CFAP61: variants seen among roughly 807,000 people sequenced by gnomAD.
The protein encoded by CFAP61 is cilia and flagella associated protein 61.
In CFAP61, 107 loss-of-function variants were observed where a neutral mutation model predicts 135.6. That is an observed-to-expected ratio of 0.79 (90% CI 0.67 to 0.93). The LOEUF is 0.93. CFAP61 is among the 40% of genes least tolerant of loss of function. CFAP61 has a pLI of 0.00. For synonymous variants in CFAP61, 575 were observed against 578.5 expected, an observed-to-expected ratio of 0.99 and a Z score of 0.09; for missense variants, 1,507 against 1,556.2, an observed-to-expected ratio of 0.97 and a Z score of 0.53.
At position 20,098,395 on chromosome 20, in the gene CFAP61, A is replaced by G. The variant is rs558792534; in HGVS notation, c.700-260A>G. ...GAGGCCGAGGTGGGTGGATCACTTG[A>G]GGTCAGGAGTTCAAGACCAGCCTGG... is the stretch of plus-strand genomic sequence containing the variant. On this transcript the variant is annotated intron_variant, in intron 7 of 26. Transcript: ENST00000245957. Among the ~76,000 whole-genome samples the G allele has an allele frequency of 2.0e-5, 3 of 152,112 alleles. No individual in the cohort carries two copies. The East Asian group carries it at 5.8e-4, about 29-fold the overall frequency.
intron 13 of CFAP61, among the ~76,000 whole-genome samples, chr20:20,178,836 G>A (rs569875087): frequency 6.6e-6 from 1 of 152,094 alleles, no homozygotes; most frequent in South Asian, 2.1e-4. Context: ...AACAGAACCC[G>A]ATAGAAACTT....
Position 20,351,373 on chromosome 20 carries a change from G to A in CFAP61, c.3514-8837G>A, listed in dbSNP as rs144109059. On this transcript the variant is annotated intron_variant, in intron 26 of 26. Transcript: ENST00000245957. ...AGGCGGGCAGATCACCTGAGGTCGG[G>A]AGTTCAAGACCAGCCTGGCCAACAT... Among the ~76,000 whole-genome samples the A allele has an allele frequency of 7.7e-3, 1,166 of 152,176 alleles. 15 individuals are homozygous for A. Among genetic ancestry groups the A allele is most frequent in the African/African-American group, 0.025 (1,051 of 41,506 alleles).
At chr20:20,196,389 A>G (rs991474840) in intron 15 of CFAP61, among the ~76,000 whole-genome samples, 181 bp from the exon 16 acceptor site, 1 of 152,158 alleles carries the variant, frequency 6.6e-6, no homozygotes, top group African/African-American at 2.4e-5. Flanking sequence ...AACAACTAGC[A>G]CTCAGGAAAC....
intron 13 of CFAP61, among the ~76,000 whole-genome samples, chr20:20,181,519 A>ACTT (rs965497517): frequency 6.6e-6 from 1 of 152,106 alleles, no homozygotes; most frequent in Admixed American, 6.6e-5. Flanking sequence ...AGGACTCAAG[A>ACTT]AGGGGCCACT....
intron 9 of CFAP61, among the ~76,000 whole-genome samples, chr20:20,153,962 C>T (rs889887999): frequency 4.6e-5 from 7 of 151,990 alleles, no homozygotes; most frequent in African/African-American, 1.7e-4. Flanking sequence ...AAATCCTCAA[C>T]AAAATGCTAG....
intron 9 of CFAP61, among the ~76,000 whole-genome samples, chr20:20,151,640 C>T (rs564835617): frequency 6.6e-6 from 1 of 151,834 alleles, no homozygotes; most frequent in Non-Finnish European, 1.5e-5. Context: ...TCCTGACTAA[C>T]ACAGTGAAAC....
chr20:20,080,751 C>T (rs543668387), intron 6 of CFAP61, among the ~76,000 whole-genome samples: 101 of 152,286 alleles, frequency 6.6e-4, no homozygotes, highest in Admixed American at 1.9e-3. Flanking sequence ...CACCTGTAAT[C>T]CCAGCACTTT....
chr20:20,228,381 G>C lies in CFAP61; in HGVS notation c.2060+5G>C. 1 of 1,602,478 alleles carries C rather than the reference G, an allele frequency of 6.2e-7. No individual in the cohort carries two copies. The highest frequency in any genetic ancestry group is 8.5e-7 in the Non-Finnish European group (1 of 1,170,468). ...CCTAGAGACATTGGTATTTTGGTGAGTTGTTTCACTCTATTGATTGATTGG... is the reference window on the plus strand; with the variant it reads ...CCTAGAGACATTGGTATTTTGGTGACTTGTTTCACTCTATTGATTGATTGG... On this transcript the variant is annotated splice_donor_5th_base_variant and intron_variant, in intron 18 of 26. Transcript: ENST00000245957.
chr20:20,151,462 GA>G (rs2052400408), intron 9 of CFAP61, among the ~76,000 whole-genome samples: 1 of 152,074 alleles, frequency 6.6e-6, no homozygotes, highest in African/African-American at 2.4e-5. Context: ...TCTAAGTTTG[GA>G]AAACATATAT....
intron 2 of CFAP61, among the ~76,000 whole-genome samples, chr20:20,066,561 G>A (rs1162564951): frequency 6.6e-6 from 1 of 152,096 alleles, no homozygotes; most frequent in Non-Finnish European, 1.5e-5. Context: ...ATCATTCTCA[G>A]CAAACTATCA....
intron 18 of CFAP61, among the ~76,000 whole-genome samples, chr20:20,240,574 C>CTT (rs371680935): frequency 7.6e-5 from 11 of 145,460 alleles, no homozygotes; most frequent in African/African-American, 2.3e-4. Flanking sequence ...AGTCCGCCAT[C>CTT]TTTTTTTTTT....
At chr20:20,074,223 G>A (rs1038062331) in intron 3 of CFAP61, 79 bp from the exon 4 acceptor site, 44 of 1,173,254 alleles carry the variant, frequency 3.8e-5, no homozygotes, top group Middle Eastern at 2.0e-4. Flanking sequence ...TGGATGCCCC[G>A]AAACCCTCTT....
chr20:20,165,024 TCCC>T (rs2053713961), intron 11 of CFAP61, among the ~76,000 whole-genome samples: 1 of 152,044 alleles, frequency 6.6e-6, no homozygotes, highest in African/African-American at 2.4e-5. Context: ...TCCCACAGGG[TCCC>T]TCCCACAACA....
intron 9 of CFAP61, among the ~76,000 whole-genome samples, chr20:20,156,690 A>G (rs2052935963): frequency 6.6e-6 from 1 of 152,194 alleles, no homozygotes; most frequent in South Asian, 2.1e-4. Context: ...ATTAATATGC[A>G]AAATTTAGTT....
chr20:20,334,427 A>G (rs2058103033), intron 25 of CFAP61, among the ~76,000 whole-genome samples: 1 of 152,328 alleles, frequency 6.6e-6, no homozygotes, highest in African/African-American at 2.4e-5. Context: ...GTGTGTGGCC[A>G]TAGTGTTAGC....
chr20:20,180,433 T>C (rs1361573358), intron 13 of CFAP61, among the ~76,000 whole-genome samples: 4 of 151,438 alleles, frequency 2.6e-5, no homozygotes, highest in African/African-American at 7.3e-5. Context: ...ACCTCACTGA[T>C]CATTAGAGAA....
chr20:20,357,940 AGGT>A (rs2059306947), intron 26 of CFAP61, among the ~76,000 whole-genome samples: 1 of 83,300 alleles, frequency 1.2e-5, no homozygotes, highest in Admixed American at 1.3e-4. Context: ...CACTGAGGGA[AGGT>A]GGTCACACTG....
rs1569230872 is a variant in CFAP61 at position 20,277,321 on chromosome 20, G to GCGGA, written c.2662_2665dup (p.Ala889GlyfsTer21). 1 of 1,614,128 alleles carries GCGGA rather than the reference G, an allele frequency of 6.2e-7. No individual in the cohort carries two copies. Among genetic ancestry groups the GCGGA allele is most frequent in the Non-Finnish European group, 8.5e-7 (1 of 1,180,020 alleles). ...CAACTACTCGGTGGAGAGCGCCGTGGCGGACGCGCTAGGAGCCGCCGGAGT... is the reference window on the plus strand; with the variant it reads ...CAACTACTCGGTGGAGAGCGCCGTGGCGGACGGACGCGCTAGGAGCCGCCGGAGT... On this transcript the variant is annotated frameshift_variant, in exon 22 of 27. Transcript: ENST00000245957. LOFTEE classifies it high-confidence loss of function.
chr20:20,344,043 C>T (rs1189120284), intron 26 of CFAP61, among the ~76,000 whole-genome samples: 2 of 152,164 alleles, frequency 1.3e-5, no homozygotes, highest in African/African-American at 4.8e-5. Context: ...GAAAATGAAA[C>T]CTCCGGAAGA....
Sources: allele counts gnomAD v4.1 joint callset (sites outside exome capture counted in the v4.1 genomes callset), GRCh38; gene constraint gnomAD v4.1.1; transcripts MANE v1.5; gene names NCBI Gene and HGNC (gene_info 2026-07-23, HGNC 2026-07-21).